The following SLC4A1AP variants were observed in gnomAD, a reference collection of about 807,000 sequenced individuals.
SLC4A1AP encodes the protein solute carrier family 4 member 1 adaptor protein.
Under a neutral mutation model 89.7 loss-of-function variants are expected in SLC4A1AP, and 64 were observed. The ratio of observed to expected loss-of-function variants is 0.71; its 90% CI spans 0.58 to 0.88. The LOEUF is 0.88. SLC4A1AP is among the 40% of genes least tolerant of loss of function. SLC4A1AP has a pLI of 0.00. For synonymous variants in SLC4A1AP, 366 were observed against 353.3 expected (o/e 1.04, Z -0.40); for missense variants, 931 against 965.0 (o/e 0.96, Z 0.47).
chr2:27,665,752 C>G (rs772482450), intron 2 of SLC4A1AP, among the ~76,000 whole-genome samples: 1 of 152,066 alleles, frequency 6.6e-6, no homozygotes, highest in Non-Finnish European at 1.5e-5. Context: ...AAGCTGGTCC[C>G]TTAGCCAAAA....
At chr2:27,692,424 A>G (rs942850634) in intron 12 of SLC4A1AP, 6 of 152,212 alleles carry the variant, frequency 3.9e-5, no homozygotes, top group African/African-American at 1.4e-4. Context: ...CATATGGTCT[A>G]TCTTGGAGAA....
At position 27,685,060 on chromosome 2, in the gene SLC4A1AP, A is replaced by T. The variant is rs1250123351; in HGVS notation, c.1899A>T (p.Glu633Asp). The stretch of plus-strand genomic sequence containing the variant: ...AGAAGTTACCCCCCAAGCGTCCAGA[A>T]CTCCCTCCAACTCTAATGAGAATGA... The change falls in exon 10 of 14, where the codon GAA becomes GAT. Residue 633 changes from glutamate to aspartate, a missense_variant. Physicochemically the swap from Glu to Asp is conservative, Grantham distance 45. Coordinates refer to ENST00000613058, the Ensembl canonical transcript of SLC4A1AP. 15 of 1,610,754 alleles carry T rather than the reference A, an allele frequency of 9.3e-6. No individual in the cohort carries two copies. The South Asian group carries it at 1.7e-4, about 18-fold the overall frequency.
At chr2:27,675,776 A>G (rs1440677277) in intron 6 of SLC4A1AP, 84 bp downstream of exon 6, 1 of 945,944 alleles carries the variant, frequency 1.1e-6, no homozygotes, top group Non-Finnish European at 1.4e-6. Flanking sequence ...ATGTTTTATG[A>G]TAATTTTTAA....
chr2:27,667,519 C>A, intron 3 of SLC4A1AP, 129 bp downstream of exon 3: 1 of 888,146 alleles, frequency 1.1e-6, no homozygotes, highest in Non-Finnish European at 1.6e-6. Flanking sequence ...TCACTTTTTA[C>A]TCTTGTGGTC....
Position 27,675,559 on chromosome 2 carries a change from G to A in SLC4A1AP, c.1373G>A (p.Trp458Ter), listed in dbSNP as rs1284517209. 1.3e-6 allele frequency: 2 copies of A among 1,596,144 alleles called. No homozygotes were observed. The highest frequency in any genetic ancestry group is 1.7e-5 in the Admixed American group (1 of 58,676). Residue 458 changes from tryptophan to a stop codon, truncating the protein, a stop_gained, in exon 6 of 14, where the codon TGG becomes TAG. Transcript: ENST00000613058. LOFTEE classifies it high-confidence loss of function. ...TCTCGGAAAAGGAAAGCCAAGAACT[G>A]GGAAGATGAAGACTTTTATGATAGT...
intron 8 of SLC4A1AP, 31 bp from the exon 9 acceptor site, chr2:27,682,217 A>G: frequency 6.9e-7 from 1 of 1,444,284 alleles, no homozygotes; most frequent in Non-Finnish European, 9.7e-7. Context: ...ACTCCCTGGA[A>G]TAGATGTGTA....
exon 11 of SLC4A1AP, chr2:27,687,973 A>G: frequency 4.3e-6 from 7 of 1,614,036 alleles, no homozygotes; most frequent in Non-Finnish European, 5.9e-6. Flanking sequence ...CAGAATAAAG[A>G]TTATCAAGAC....
At chr2:27,677,239 G>A in intron 6 of SLC4A1AP, 56 bp from the exon 7 acceptor site, 2 of 1,154,876 alleles carry the variant, frequency 1.7e-6, no homozygotes, top group Non-Finnish European at 1.3e-6. Context: ...ACAGGAGGAT[G>A]AAAAACAGTT....
intron 10 of SLC4A1AP, among the ~76,000 whole-genome samples, chr2:27,687,455 G>A (rs1675721627): frequency 6.6e-6 from 1 of 152,048 alleles, no homozygotes; most frequent in African/African-American, 2.4e-5. Context: ...GCCAGGCATG[G>A]TGGTACATGC....
chr2:27,688,610 A>G (rs2148140413), intron 11 of SLC4A1AP, 90 bp from the exon 12 acceptor site: 1 of 809,088 alleles, frequency 1.2e-6, no homozygotes, highest in South Asian at 1.6e-5. Context: ...CTTTTCTTCA[A>G]TAATTGTAAT....
In SLC4A1AP at chr2:27,685,281, A is replaced by G; in HGVS notation, c.2116+4A>G. The G allele has an allele frequency of 1.2e-6, 2 of 1,602,044 alleles. No homozygotes were observed. The highest frequency in any genetic ancestry group is 8.5e-7 in the Non-Finnish European group (1 of 1,176,100). On this transcript the variant is annotated splice_donor_region_variant and intron_variant, in intron 10 of 13. Transcript: ENST00000613058. ...TTTAAAGAAACCCAAACCCATGGTA[A>G]TATCTTTCTTCTCCTTCCTGTGTTG... is the stretch of plus-strand genomic sequence containing the variant.
At chr2:27,668,260 T>C (rs971457959) in intron 3 of SLC4A1AP, among the ~76,000 whole-genome samples, 27 of 151,980 alleles carry the variant, frequency 1.8e-4, no homozygotes, top group Admixed American at 6.6e-4. Flanking sequence ...GCCATTCTCC[T>C]GCGTCAGCCT....
intron 5 of SLC4A1AP, among the ~76,000 whole-genome samples, chr2:27,673,847 T>C (rs556181856): frequency 6.6e-6 from 1 of 152,136 alleles, no homozygotes; most frequent in African/African-American, 2.4e-5. Context: ...AGGGGAAAGG[T>C]CATTGGCTGC....
chr2:27,670,511 T>G (rs1675404261), intron 5 of SLC4A1AP, among the ~76,000 whole-genome samples: 1 of 152,158 alleles, frequency 6.6e-6, no homozygotes, highest in African/African-American at 2.4e-5. Context: ...CTCAGTCTTC[T>G]TCCCTAAAGG....
intron 6 of SLC4A1AP, 28 bp from the exon 7 acceptor site, chr2:27,677,267 T>C (rs1374896219): frequency 1.3e-6 from 2 of 1,486,880 alleles, no homozygotes; most frequent in Non-Finnish European, 1.9e-6. Context: ...AGAAAAACTT[T>C]GTAACCCTGT....
chr2:27,676,779 G>A (rs548440132), intron 6 of SLC4A1AP, among the ~76,000 whole-genome samples: 62 of 149,772 alleles, frequency 4.1e-4, no homozygotes, highest in Middle Eastern at 3.4e-3. Flanking sequence ...GCAGTGAGTC[G>A]AGATCACGCC....
intron 3 of SLC4A1AP, 24 bp from the exon 4 acceptor site, chr2:27,668,819 G>C (rs565487255): frequency 6.2e-7 from 1 of 1,608,910 alleles, no homozygotes; most frequent in Admixed American, 1.7e-5. Flanking sequence ...TATTAAAATT[G>C]TTTTGTCTGT....
At chr2:27,673,440 C>T (rs1167567044) in intron 5 of SLC4A1AP, among the ~76,000 whole-genome samples, 1 of 105,320 alleles carries the variant, frequency 9.5e-6, no homozygotes, top group Non-Finnish European at 2.0e-5. Context: ...CCCTCCCTCC[C>T]TCCCTTCCTT....
exon 1 of SLC4A1AP, chr2:27,664,367 G>C: frequency 6.2e-7 from 1 of 1,614,198 alleles, no homozygotes. Flanking sequence ...AGCACCCTTC[G>C]GTGTCTCGGT....
Sources: allele counts gnomAD v4.1 joint callset (sites outside exome capture counted in the v4.1 genomes callset), GRCh38; gene constraint gnomAD v4.1.1; transcripts MANE v1.5; gene names NCBI Gene and HGNC (gene_info 2026-07-23, HGNC 2026-07-21).